The following PAICS variants were observed in gnomAD, a reference collection of about 807,000 sequenced individuals.
The protein encoded by PAICS is bifunctional phosphoribosylaminoimidazole carboxylase/phosphoribosylaminoimidazole succinocarboxamide synthetase.
A neutral mutation model predicts 53.7 loss-of-function variants in PAICS; 33 were observed. That is an observed-to-expected ratio of 0.61 (90% CI 0.47 to 0.82). The LOEUF (loss-of-function observed/expected upper bound fraction) is 0.82. PAICS is among the 40% of genes least tolerant of loss of function. The pLI is 0.00. For missense variants in PAICS, 394 were observed against 494.1 expected, an observed-to-expected ratio of 0.80 and a Z score of 1.92; for synonymous variants, 141 against 167.2, an observed-to-expected ratio of 0.84 and a Z score of 1.21.
the PAICS span, among the ~76,000 whole-genome samples, chr4:56,430,738 G>GT: frequency 6.6e-6 from 1 of 151,154 alleles, no homozygotes; most frequent in Non-Finnish European, 1.5e-5. Flanking sequence ...CCGCACAAGA[G>GT]TATCATTCTG....
chr4:56,416,756 A>G, the PAICS span, among the ~76,000 whole-genome samples: 28 of 152,244 alleles, frequency 1.8e-4, 2 homozygotes, highest in Admixed American at 1.2e-3. Flanking sequence ...TAAGACAAAC[A>G]GAATTTTACA....
the PAICS span, chr4:56,425,504 T>C: frequency 1.9e-5 from 6 of 309,426 alleles, no homozygotes; most frequent in African/African-American, 1.1e-4. Flanking sequence ...TATGAAGTCA[T>C]GATTTTTCTA....
chr4:56,420,918 C>T, the PAICS span: 2 of 152,204 alleles, frequency 1.3e-5, no homozygotes, highest in Admixed American at 6.6e-5. Context: ...AGTTGTAAGG[C>T]TCTGTGGAAG....
At position 56,459,727 on chromosome 4, in the gene PAICS, C is replaced by T. The variant is rs1002904281; in HGVS notation, c.*189C>T. On this transcript the variant is annotated 3_prime_UTR_variant, in exon 9 of 9. Coordinates refer to ENST00000512576, the MANE Select transcript of PAICS (RefSeq NM_001079524.2). ...AACCCCTCCTTTCTTAGGCTAGACA[C>T]CAAGATATTTCAGCCAGCCTTTATC... The T allele has an allele frequency of 2.0e-6, 1 of 495,200 alleles. No homozygotes were observed. Among genetic ancestry groups the T allele is most frequent in the African/African-American group, 1.9e-5 (1 of 52,244 alleles). 30.7% of individuals were successfully genotyped at this position (495,200 alleles called of 1,614,324 possible). A position where few individuals can be genotyped will look rare whatever the true frequency, so the allele number is the denominator to read the frequency against.
At chr4:56,454,758 T>C (rs1719103614) in intron 8 of PAICS, among the ~76,000 whole-genome samples, 2 of 152,168 alleles carry the variant, frequency 1.3e-5, no homozygotes, top group Admixed American at 1.3e-4. Flanking sequence ...TGTAATAAAA[T>C]CAAGTTTAGA....
chr4:56,455,861 C>T (rs895177645), intron 8 of PAICS, among the ~76,000 whole-genome samples: 1 of 152,130 alleles, frequency 6.6e-6, no homozygotes, highest in African/African-American at 2.4e-5. Flanking sequence ...ATGTGATGTG[C>T]TGAGTCTGTT....
chr4:56,438,401 AT>A (rs1258288318), intron 1 of PAICS, among the ~76,000 whole-genome samples: 41 of 113,660 alleles, frequency 3.6e-4, no homozygotes, highest in African/African-American at 1.3e-3. Context: ...ATATATATAT[AT>A]AAAAGGTTTT....
intron 6 of PAICS, among the ~76,000 whole-genome samples, chr4:56,451,522 GCTAATCATAC>G (rs920903956): frequency 1.2e-4 from 19 of 152,212 alleles, no homozygotes; most frequent in Admixed American, 7.2e-4. Flanking sequence ...TTCTGATTTG[GCTAATCATAC>G]CTTAAAGCTT....
chr4:56,421,093 G>A, the PAICS span: 1 of 152,272 alleles, frequency 6.6e-6, no homozygotes, highest in Admixed American at 6.5e-5. Context: ...ATTATGACCT[G>A]AGCTCCGCGA....
upstream of PAICS, chr4:56,435,364 C>T: frequency 6.2e-7 from 1 of 1,613,770 alleles, no homozygotes; most frequent in Non-Finnish European, 8.5e-7. Context: ...GCTGCAGCCC[C>T]ACGAGTCCCA....
chr4:56,445,945 AG>A (rs1250684855), intron 2 of PAICS, among the ~76,000 whole-genome samples: 1 of 152,202 alleles, frequency 6.6e-6, no homozygotes, highest in Non-Finnish European at 1.5e-5. Context: ...TCCTAGAGAC[AG>A]GGTAGGTTGG....
At position 56,459,740 on chromosome 4, in the gene PAICS, G is replaced by A. The variant is rs1719409368; in HGVS notation, c.*202G>A. ...TTAGGCTAGACACCAAGATATTTCA[G>A]CCAGCCTTTATCATTCCTCTTACTT... On this transcript the variant is annotated 3_prime_UTR_variant, in exon 9 of 9. Transcript: ENST00000512576. 1 of 477,078 alleles carries A rather than the reference G, an allele frequency of 2.1e-6. No homozygotes were observed. The highest frequency in any genetic ancestry group is 3.7e-6 in the Non-Finnish European group (1 of 266,686). The allele number at this position is 477,078 out of a possible 1,614,324, so 29.6% of individuals were successfully genotyped here. A position where few individuals can be genotyped will look rare whatever the true frequency, so the allele number is the denominator to read the frequency against.
In PAICS at chr4:56,459,519, T is replaced by G; in HGVS notation, c.1259T>G (p.Ile420Ser). Residue 420 changes from isoleucine to serine, a missense_variant, in exon 9 of 9, where the codon ATC (isoleucine) becomes AGC (serine). Around this residue, in one of 3 missense-constraint regions of PAICS, gnomAD observed 95 missense variants for 89.3 expected, o/e 1.06. Transcript: ENST00000512576. ...WISLKQADKKIRECNL is the reference protein window; with the variant it reads ...WISLKQADKKSRECNL The stretch of plus-strand genomic sequence containing the variant: ...TCCTTGAAGCAGGCTGACAAGAAAA[T>G]CAGAGAATGTAATTTATAAGAAAGA... 1.9e-6 allele frequency: 3 copies of G among 1,562,330 alleles called. No homozygotes were observed. The highest frequency in any genetic ancestry group is 2.6e-6 in the Non-Finnish European group (3 of 1,144,942).
chr4:56,450,974 C>T (rs1385810629), intron 6 of PAICS: 6 of 254,344 alleles, frequency 2.4e-5, no homozygotes, highest in African/African-American at 6.8e-5. Context: ...CTGGCCACCA[C>T]GCCCAGCTAA....
chr4:56,439,752 G>A (rs1423314957), intron 1 of PAICS, among the ~76,000 whole-genome samples: 1 of 151,954 alleles, frequency 6.6e-6, no homozygotes, highest in Non-Finnish European at 1.5e-5. Flanking sequence ...ACCTCCCCAA[G>A]TAGCTGAGAC....
chr4:56,453,801 C>T lies in PAICS; in HGVS notation c.1111+40C>T, dbSNP rs145414331. 67 of 1,409,578 alleles carry T rather than the reference C, an allele frequency of 4.8e-5. No homozygotes were observed. The African/African-American group carries it at 8.9e-4, about 19-fold the overall frequency. The allele number at this position is 1,409,578 out of a possible 1,614,324, so 87.3% of individuals were successfully genotyped here. ...ATTTTTAAAAACTGTTCATTACAAG[C>T]ATTTAACAGATGCACAACAGTAGAC... On this transcript the variant is annotated intron_variant, in intron 8 of 8. Coordinates refer to ENST00000512576, the MANE Select transcript of PAICS (RefSeq NM_001079524.2).
chr4:56,441,884 T>C, intron 2 of PAICS, 24 bp downstream of exon 2: 1 of 1,438,716 alleles, frequency 7.0e-7, no homozygotes, highest in Non-Finnish European at 9.5e-7. Flanking sequence ...TCAAAGTCTC[T>C]TCTCTCACCT....
At chr4:56,449,647 A>G (rs1346008171) in intron 5 of PAICS, among the ~76,000 whole-genome samples, 2 of 152,036 alleles carry the variant, frequency 1.3e-5, no homozygotes, top group African/African-American at 2.4e-5. Flanking sequence ...AGAAAATGTG[A>G]TATACACACA....
At chr4:56,417,910 G>A in the PAICS span, among the ~76,000 whole-genome samples, 4 of 146,958 alleles carry the variant, frequency 2.7e-5, no homozygotes, top group South Asian at 6.4e-4. Context: ...GTGCAATCTC[G>A]GCTCACTGCA....
Sources: gnomAD v4.1 joint callset for allele counts (sites outside exome capture counted in the v4.1 genomes callset) on GRCh38, gnomAD v4.1.1 for gene constraint, gnomAD v4.1.1 regional missense constraint, MANE v1.5 for transcripts, NCBI Gene and HGNC (gene_info 2026-07-23, HGNC 2026-07-21) for gene names.